Variants in CNTN4 observed in about 807,000 individuals in gnomAD.
CNTN4 encodes contactin-4.
In CNTN4, 77 loss-of-function variants were observed where a neutral mutation model predicts 122.5. The ratio of observed to expected loss-of-function variants is 0.63; its 90% confidence interval spans 0.52 to 0.76. CNTN4 has a LOEUF of 0.76. Ranked by LOEUF, CNTN4 falls within the 30% of genes least tolerant of loss-of-function variation. CNTN4 has a pLI of 0.00. For synonymous variants in CNTN4, 512 were observed against 447.0 expected (o/e 1.15, Z -1.83); for missense variants, 1,256 against 1,259.1 (o/e 1.00, Z 0.04).
intron 6 of CNTN4, among the ~76,000 whole-genome samples, chr3:2,781,811 G>A (rs888378966): frequency 4.1e-5 from 5 of 123,188 alleles, no homozygotes; most frequent in South Asian, 5.3e-4. Context: ...TGCAACCTCC[G>A]CCTCCCGGGT....
At chr3:2,761,438 C>CTGTGTG (rs113454553) in intron 6 of CNTN4, among the ~76,000 whole-genome samples, 13,971 of 92,412 alleles carry the variant, frequency 0.15, 676 homozygotes, top group Non-Finnish European at 0.22. Flanking sequence ...TAAGTGTAAC[C>CTGTGTG]TGTGTGTGTG....
At chr3:2,674,467 TTAACTGTGTCCAGGCATGC>T (rs1275089533) in intron 4 of CNTN4, among the ~76,000 whole-genome samples, 1 of 152,174 alleles carries the variant, frequency 6.6e-6, no homozygotes, top group African/African-American at 2.4e-5. Context: ...CAAGAAATTG[TTAACTGTGTCCAGGCATGC>T]TGGCTCATGC....
chr3:2,867,402 G>T lies in CNTN4; in HGVS notation c.652+453G>T, dbSNP rs185199380. Among the ~76,000 whole-genome samples the T allele has an allele frequency of 2.4e-3, 368 of 152,218 alleles. 4 individuals are homozygous for T. The highest frequency in any genetic ancestry group is 8.4e-3 in the African/African-American group (348 of 41,528). ...GTGAAATGTAGACATAACAAGGCTT[G>T]TTTGAGACAGAAATTTTAATTCCCC... is the stretch of plus-strand genomic sequence containing the variant. On this transcript the variant is annotated intron_variant, in intron 8 of 24. Transcript: ENST00000418658.
intron 3 of CNTN4, among the ~76,000 whole-genome samples, chr3:2,435,405 G>A (rs1177080391): frequency 6.6e-6 from 1 of 152,076 alleles, no homozygotes; most frequent in African/African-American, 2.4e-5. Flanking sequence ...AATAGTTGTT[G>A]TACCATTTAG....
At chr3:2,186,931 T>G (rs903939646) in intron 2 of CNTN4, among the ~76,000 whole-genome samples, 14 of 152,346 alleles carry the variant, frequency 9.2e-5, no homozygotes, top group African/African-American at 3.1e-4. Context: ...TTTAGTTTAA[T>G]TAGATCTCAT....
intron 3 of CNTN4, among the ~76,000 whole-genome samples, chr3:2,384,239 C>T (rs183000538): frequency 1.2e-4 from 18 of 152,178 alleles, no homozygotes; most frequent in Middle Eastern, 3.4e-3. Flanking sequence ...CAAGCCTAAA[C>T]GTAGGCCCTG....
At chr3:2,861,870 A>C (rs1577080925) in intron 7 of CNTN4, among the ~76,000 whole-genome samples, 1 of 152,348 alleles carries the variant, frequency 6.6e-6, no homozygotes, top group East Asian at 1.9e-4. Context: ...ATGATGAAAG[A>C]GACTGAGACA....
chr3:2,597,179 G>C (rs934576163), intron 4 of CNTN4, among the ~76,000 whole-genome samples: 1 of 152,110 alleles, frequency 6.6e-6, no homozygotes, highest in Non-Finnish European at 1.5e-5. Context: ...GCATTCTTTT[G>C]CAGCTACTAC....
chr3:2,557,603 C>T (rs2078773224), intron 3 of CNTN4, among the ~76,000 whole-genome samples: 1 of 152,000 alleles, frequency 6.6e-6, no homozygotes, highest in Admixed American at 6.6e-5. Flanking sequence ...GTGGCGGGCG[C>T]CTGTAGTTCC....
chr3:2,291,126 G>T (rs2042117646), intron 2 of CNTN4, among the ~76,000 whole-genome samples: 1 of 152,070 alleles, frequency 6.6e-6, no homozygotes, highest in Non-Finnish European at 1.5e-5. Flanking sequence ...CTGCAGATGT[G>T]ATGATATTTT....
Position 2,745,788 on chromosome 3 carries a change from C to T in CNTN4, c.358+91C>T, listed in dbSNP as rs1576639602. On this transcript the variant is annotated intron_variant, in intron 6 of 24. Transcript: ENST00000418658. ...TTTTATAGCAGTTTCATTTTAGAGA[C>T]TAGATTTTAATTGGTTACATGATCA... is the stretch of plus-strand genomic sequence containing the variant. 3 of 1,164,042 alleles carry T rather than the reference C, an allele frequency of 2.6e-6. No homozygotes were observed. The East Asian group carries it at 7.4e-5, about 29-fold the overall frequency. 72.1% of individuals were successfully genotyped at this position (1,164,042 alleles called of 1,614,324 possible).
intron 2 of CNTN4, among the ~76,000 whole-genome samples, chr3:2,237,570 C>T (rs2039733876): frequency 6.6e-6 from 1 of 152,106 alleles, no homozygotes; most frequent in Admixed American, 6.5e-5. Flanking sequence ...TTGGATTGTG[C>T]TTATGCCATT....
intron 2 of CNTN4, among the ~76,000 whole-genome samples, chr3:2,323,855 C>G (rs1314511503): frequency 2.6e-5 from 4 of 152,074 alleles, no homozygotes; most frequent in South Asian, 4.1e-4. Flanking sequence ...GTACTGGGCT[C>G]TATAATATGC....
At chr3:2,663,768 C>T (rs1021291638) in intron 4 of CNTN4, among the ~76,000 whole-genome samples, 2 of 152,128 alleles carry the variant, frequency 1.3e-5, no homozygotes, top group Admixed American at 6.5e-5. Flanking sequence ...CTGGTGAATG[C>T]ATGCATACAA....
At position 2,217,321 on chromosome 3, in the gene CNTN4, C is replaced by T. The variant is rs983033682; in HGVS notation, c.-145+116682C>T. 3.9e-5 allele frequency among the ~76,000 whole-genome samples: 6 copies of T among 152,126 alleles called. 1 individual carries two copies. The highest frequency in any genetic ancestry group is 6.5e-5 in the Admixed American group (1 of 15,272). ...TTTCTGACTGGGCTCCCTGTCTTGTCGCCTTTCTGACCTCGAGGGCTGGTC... is the reference window on the plus strand; with the variant it reads ...TTTCTGACTGGGCTCCCTGTCTTGTTGCCTTTCTGACCTCGAGGGCTGGTC... On this transcript the variant is annotated intron_variant, in intron 2 of 24. Coordinates refer to ENST00000418658, the MANE Select transcript of CNTN4 (RefSeq NM_175607.3).
intron 6 of CNTN4, among the ~76,000 whole-genome samples, chr3:2,770,439 G>T (rs992961661): frequency 6.6e-6 from 1 of 152,200 alleles, no homozygotes; most frequent in African/African-American, 2.4e-5. Flanking sequence ...GTGGGGGAGG[G>T]CCAAGGGCCC....
intron 4 of CNTN4, among the ~76,000 whole-genome samples, chr3:2,606,299 A>G (rs1283390257): frequency 2.0e-5 from 3 of 152,074 alleles, no homozygotes; most frequent in Non-Finnish European, 4.4e-5. Context: ...TGTCTTTGAC[A>G]CAGGGAGGAG....
intron 13 of CNTN4, among the ~76,000 whole-genome samples, chr3:2,966,638 C>G (rs1692339373): frequency 6.6e-6 from 1 of 151,972 alleles, no homozygotes; most frequent in Non-Finnish European, 1.5e-5. Context: ...TTGAATGTTC[C>G]TAATACAAAG....
At chr3:2,805,787 C>G (rs1394177193) in intron 6 of CNTN4, among the ~76,000 whole-genome samples, 1 of 152,160 alleles carries the variant, frequency 6.6e-6, no homozygotes, top group Non-Finnish European at 1.5e-5. Context: ...GTCCCTTGAT[C>G]CTCATTGTTC....
Sources: allele counts gnomAD v4.1 joint callset (sites outside exome capture counted in the v4.1 genomes callset), GRCh38; gene constraint gnomAD v4.1.1; transcripts MANE v1.5; gene names NCBI Gene and HGNC (gene_info 2026-07-23, HGNC 2026-07-21).